IQGAP2: variants seen among roughly 807,000 people sequenced by gnomAD.
IQGAP2 encodes the protein ras GTPase-activating-like protein IQGAP2.
IQGAP2 carries 173 observed loss-of-function variants against 201.3 expected under a neutral mutation model. The ratio of observed to expected loss-of-function variants is 0.86; its 90% CI spans 0.76 to 0.98. The LOEUF (loss-of-function observed/expected upper bound fraction) is 0.98. IQGAP2 is among the 50% of genes least tolerant of loss of function. IQGAP2 has a pLI of 0.00. For missense variants in IQGAP2, 1,687 were observed against 1,864.8 expected (o/e 0.90, Z 1.76); for synonymous variants, 675 against 673.9 (o/e 1.00, Z -0.03).
At chr5:76,591,999 C>CTAGA (rs1264487691) in intron 8 of IQGAP2, among the ~76,000 whole-genome samples, 1 of 152,156 alleles carries the variant, frequency 6.6e-6, no homozygotes, top group African/African-American at 2.4e-5. Flanking sequence ...TTGAATCTGT[C>CTAGA]GCCAACCTTC....
intron 2 of IQGAP2, among the ~76,000 whole-genome samples, chr5:76,522,959 C>T (rs62361968): frequency 0.057 from 8,603 of 152,044 alleles, 281 homozygotes; most frequent in African/African-American, 0.09. Context: ...TCTTTCTTAC[C>T]ACCATCCATC....
intron 1 of IQGAP2, among the ~76,000 whole-genome samples, chr5:76,426,772 C>T (rs1383911316): frequency 6.6e-6 from 1 of 152,138 alleles, no homozygotes; most frequent in Non-Finnish European, 1.5e-5. Flanking sequence ...AAGGCCTGTG[C>T]TGCATGGGTA....
At chr5:76,459,862 A>T (rs186439342) in intron 1 of IQGAP2, among the ~76,000 whole-genome samples, 1 of 152,202 alleles carries the variant, frequency 6.6e-6, no homozygotes, top group East Asian at 1.9e-4. Context: ...GCTAGTCTGG[A>T]ACTCCTGACT....
At chr5:76,564,207 G>C (rs1389834027) in intron 3 of IQGAP2, among the ~76,000 whole-genome samples, 1 of 152,178 alleles carries the variant, frequency 6.6e-6, no homozygotes, top group Non-Finnish European at 1.5e-5. Context: ...TAGAAATTCA[G>C]AGAAGCCCAG....
At chr5:76,672,066 G>T in intron 24 of IQGAP2, 83 bp downstream of exon 24, 1 of 1,059,660 alleles carries the variant, frequency 9.4e-7, no homozygotes, top group Non-Finnish European at 1.4e-6. Flanking sequence ...CTTAAACTTT[G>T]TTAGGCGAAC....
intron 2 of IQGAP2, among the ~76,000 whole-genome samples, chr5:76,487,139 C>T (rs545390828): frequency 6.7e-6 from 1 of 149,804 alleles, no homozygotes; most frequent in Admixed American, 6.7e-5. Flanking sequence ...TGCTCTGTCA[C>T]CCAGGCTGGA....
intron 1 of IQGAP2, among the ~76,000 whole-genome samples, chr5:76,429,226 C>G (rs1484387106): frequency 6.6e-6 from 1 of 151,936 alleles, no homozygotes; most frequent in Non-Finnish European, 1.5e-5. Flanking sequence ...ATTTTGTATA[C>G]TTAAGGCATT....
chr5:76,518,447 G>A (rs1758469483), intron 2 of IQGAP2, among the ~76,000 whole-genome samples: 1 of 152,118 alleles, frequency 6.6e-6, no homozygotes, highest in African/African-American at 2.4e-5. Context: ...ATTATCATGA[G>A]AACAGCACAG....
chr5:76,614,193 T>C (rs940504481), intron 13 of IQGAP2, among the ~76,000 whole-genome samples: 11 of 152,122 alleles, frequency 7.2e-5, no homozygotes, highest in African/African-American at 2.7e-4. Flanking sequence ...CATTCCAATC[T>C]AGATTGAGAT....
In IQGAP2 at chr5:76,403,371, TGGCTGGCTCTGGC is replaced by T; in HGVS notation, c.-173_-161del. The T allele has an allele frequency of 1.9e-5, 8 of 428,702 alleles. No homozygotes were observed. Among genetic ancestry groups the T allele is most frequent in the Non-Finnish European group, 2.8e-5 (7 of 252,122 alleles). 26.6% of individuals were successfully genotyped at this position (428,702 alleles called of 1,614,324 possible). A position where few individuals can be genotyped will look rare whatever the true frequency, so the allele number is the denominator to read the frequency against. On this transcript the variant is annotated 5_prime_UTR_variant, in exon 1 of 36. Coordinates refer to ENST00000274364, the MANE Select transcript of IQGAP2 (RefSeq NM_006633.5). This position sits in a 1 kb window ranked among gnomAD's most constrained non-coding sequence, Gnocchi z 4.8. ...CTTCAGTGTCAGCGCGCGGCGGCCG[TGGCTGGCTCTGGC>T]GAGAGAGCACCGAGGGAGTGGGTCG...
At chr5:76,678,989 C>T (rs1214313200) in intron 28 of IQGAP2, among the ~76,000 whole-genome samples, 1 of 152,144 alleles carries the variant, frequency 6.6e-6, no homozygotes, top group African/African-American at 2.4e-5. Flanking sequence ...TATATATGAA[C>T]ACCCTAGATT....
At chr5:76,457,588 G>C (rs556066170) in intron 1 of IQGAP2, among the ~76,000 whole-genome samples, 7 of 152,272 alleles carry the variant, frequency 4.6e-5, no homozygotes, top group African/African-American at 1.4e-4. Flanking sequence ...GTGTATGGTG[G>C]CCTTGGTGTC....
chr5:76,448,739 A>G (rs190116356), intron 1 of IQGAP2, among the ~76,000 whole-genome samples: 1 of 152,332 alleles, frequency 6.6e-6, no homozygotes, highest in East Asian at 1.9e-4. Context: ...ATGTTGCAAG[A>G]AAAAGCAGAT....
At chr5:76,577,915 A>G (rs146207111) in intron 5 of IQGAP2, among the ~76,000 whole-genome samples, 103 of 152,334 alleles carry the variant, frequency 6.8e-4, no homozygotes, top group African/African-American at 2.0e-3. Context: ...GATTCTGATT[A>G]TAACTCAGAA....
At chr5:76,668,581 T>C in intron 22 of IQGAP2, 100 bp from the exon 23 acceptor site, 2 of 912,676 alleles carry the variant, frequency 2.2e-6, no homozygotes, top group Middle Eastern at 3.2e-4. Context: ...CATTAAGTCA[T>C]TGAAGAGCAG....
chr5:76,618,282 A>G, intron 13 of IQGAP2: 2 of 1,614,234 alleles, frequency 1.2e-6, no homozygotes, highest in Non-Finnish European at 1.7e-6. Context: ...TGTAACACAA[A>G]AAAGAAAATC....
intron 2 of IQGAP2, among the ~76,000 whole-genome samples, chr5:76,516,122 G>A (rs893919580): frequency 3.3e-5 from 5 of 152,016 alleles, no homozygotes; most frequent in Admixed American, 6.6e-5. Flanking sequence ...CAATCCTCCC[G>A]CCTCAGCCTC....
chr5:76,450,443 T>C (rs1383995966), intron 1 of IQGAP2, among the ~76,000 whole-genome samples: 1 of 152,216 alleles, frequency 6.6e-6, no homozygotes, highest in Non-Finnish European at 1.5e-5. Context: ...ACACCAACTC[T>C]ATAGAGCAAT....
intron 5 of IQGAP2, among the ~76,000 whole-genome samples, chr5:76,579,667 T>G (rs1053524153): frequency 1.3e-5 from 2 of 152,210 alleles, no homozygotes; most frequent in Non-Finnish European, 2.9e-5. Flanking sequence ...TTAAATATTT[T>G]TTTTTTAATT....
Sources: allele counts gnomAD v4.1 joint callset (sites outside exome capture counted in the v4.1 genomes callset), GRCh38; gene constraint gnomAD v4.1.1; non-coding constraint Gnocchi (gnomAD v3.1); transcripts MANE v1.5; gene names NCBI Gene and HGNC (gene_info 2026-07-23, HGNC 2026-07-21).